Variants in PDE8B observed in about 807,000 individuals in gnomAD.
PDE8B encodes phosphodiesterase 8B.
PDE8B carries 26 observed loss-of-function variants against 101.3 expected under a neutral mutation model. That is an observed-to-expected ratio of 0.26 (90% confidence interval 0.19 to 0.36). The LOEUF (loss-of-function observed/expected upper bound fraction) is 0.36, where lower values mean the gene tolerates loss of function less well. Among genes scored for constraint, PDE8B ranks in the 10% least tolerant of loss-of-function variants. The pLI is 1.00. For synonymous variants in PDE8B, 424 were observed against 429.3 expected, an observed-to-expected ratio of 0.99 and a Z score of 0.15; for missense variants, 810 against 1,163.1, an observed-to-expected ratio of 0.70 and a Z score of 4.42.
At chr5:77,268,291 C>T (rs907165594) in intron 1 of PDE8B, among the ~76,000 whole-genome samples, 2 of 151,950 alleles carry the variant, frequency 1.3e-5, no homozygotes, top group African/African-American at 2.4e-5. Context: ...TTGATACAGG[C>T]GTACAATGCA....
intron 10 of PDE8B, among the ~76,000 whole-genome samples, chr5:77,384,939 T>A (rs1788239662): frequency 6.6e-6 from 1 of 152,206 alleles, no homozygotes; most frequent in African/African-American, 2.4e-5. Context: ...ATTTTCTTTT[T>A]TTGTTGAGTC....
At chr5:77,422,044 A>G (rs1796755960) in intron 20 of PDE8B, 56 bp downstream of exon 20, 2 of 1,540,066 alleles carry the variant, frequency 1.3e-6, no homozygotes, top group East Asian at 4.6e-5. Flanking sequence ...GAACTAGGTC[A>G]TGGAACTCCT....
At chr5:77,124,242 C>G in the PDE8B span, among the ~76,000 whole-genome samples, 1 of 152,016 alleles carries the variant, frequency 6.6e-6, no homozygotes, top group African/African-American at 2.4e-5. Flanking sequence ...AAGACTCAGA[C>G]CCAGAAACAA....
intron 1 of PDE8B, among the ~76,000 whole-genome samples, chr5:77,292,039 G>C (rs1273312621): frequency 2.0e-5 from 3 of 149,734 alleles, no homozygotes; most frequent in Non-Finnish European, 4.4e-5. Flanking sequence ...AACATTGGCA[G>C]CTTTAGTTCT....
At chr5:77,268,530 G>T (rs994714772) in intron 1 of PDE8B, among the ~76,000 whole-genome samples, 2 of 150,134 alleles carry the variant, frequency 1.3e-5, no homozygotes, top group African/African-American at 4.9e-5. Flanking sequence ...CCAAGCTTCT[G>T]ATAACCATCA....
intron 7 of PDE8B, among the ~76,000 whole-genome samples, chr5:77,345,879 C>G (rs1180959604): frequency 1.3e-5 from 2 of 152,190 alleles, no homozygotes; most frequent in Non-Finnish European, 2.9e-5. Context: ...TCACATTTGT[C>G]TGCCCTGAAA....
intron 1 of PDE8B, among the ~76,000 whole-genome samples, chr5:77,282,426 A>T (rs933804812): frequency 6.6e-6 from 1 of 152,096 alleles, no homozygotes; most frequent in African/African-American, 2.4e-5. Flanking sequence ...TTGGACAGTC[A>T]GGGAGTTGGC....
intron 7 of PDE8B, among the ~76,000 whole-genome samples, chr5:77,348,639 G>A (rs1380249156): frequency 6.6e-6 from 1 of 152,198 alleles, no homozygotes; most frequent in Non-Finnish European, 1.5e-5. Context: ...TTGTGGAGAT[G>A]TGCATAATAC....
intron 7 of PDE8B, 57 bp downstream of exon 7, chr5:77,344,988 G>A: frequency 8.7e-7 from 1 of 1,148,760 alleles, no homozygotes; most frequent in South Asian, 1.2e-5. Flanking sequence ...TCAGGTTTAA[G>A]CCACACTTTT....
chr5:77,173,116 G>T, the PDE8B span, among the ~76,000 whole-genome samples: 1 of 152,186 alleles, frequency 6.6e-6, no homozygotes, highest in Non-Finnish European at 1.5e-5. Context: ...TTTTGGCAGA[G>T]AAAGAGAACA....
At chr5:77,088,069 G>A in the PDE8B span, 1 of 152,296 alleles carries the variant, frequency 6.6e-6, no homozygotes, top group African/African-American at 2.4e-5. Flanking sequence ...AATGAAACAG[G>A]AGAGTTCCCT....
intron 1 of PDE8B, among the ~76,000 whole-genome samples, chr5:77,270,822 A>G (rs2149772877): frequency 6.6e-6 from 1 of 152,368 alleles, no homozygotes; most frequent in South Asian, 2.1e-4. Context: ...TTTCTCTGGA[A>G]GCTGCTCCAG....
At chr5:77,401,901 TGAG>T (rs1340185140) in intron 11 of PDE8B, among the ~76,000 whole-genome samples, 3 of 152,214 alleles carry the variant, frequency 2.0e-5, no homozygotes, top group Non-Finnish European at 4.4e-5. Context: ...TGAGATAAAA[TGAG>T]GAAGAATAAA....
intron 3 of PDE8B, 137 bp downstream of exon 3, chr5:77,325,866 C>T (rs755576497): frequency 1.5e-6 from 1 of 687,088 alleles, no homozygotes; most frequent in Non-Finnish European, 2.6e-6. Flanking sequence ...ATACAGATGT[C>T]TGTGGTGAAA....
chr5:77,419,657 C>G, intron 18 of PDE8B, 110 bp from the exon 19 acceptor site: 1 of 1,283,280 alleles, frequency 7.8e-7, no homozygotes, highest in Non-Finnish European at 1.1e-6. Flanking sequence ...TTTCTTAACT[C>G]TGTGCCCCAG....
chr5:77,302,657 A>G lies in PDE8B; in HGVS notation c.340-9337A>G, dbSNP rs376308151. Among the ~76,000 whole-genome samples, 10 of 152,194 alleles carry G rather than the reference A, an allele frequency of 6.6e-5. No individual in the cohort carries two copies. The East Asian group carries it at 9.6e-4, about 15-fold the overall frequency. On this transcript the variant is annotated intron_variant, in intron 1 of 21. Transcript: ENST00000264917. ...CACCTCATTTAAAGTCTCTTTGTAC[A>G]CCATCTTAAGGCCTTTCTGGAACAG...
the PDE8B span, among the ~76,000 whole-genome samples, chr5:77,193,775 A>G: frequency 6.6e-6 from 1 of 152,198 alleles, no homozygotes; most frequent in Non-Finnish European, 1.5e-5. Flanking sequence ...ACATCTCAGC[A>G]ATAAGGAGCT....
chr5:77,148,151 C>T, the PDE8B span: 1 of 152,166 alleles, frequency 6.6e-6, no homozygotes, highest in Non-Finnish European at 1.5e-5. Flanking sequence ...AACAAACTTG[C>T]TACAATTGTC....
At chr5:77,207,876 A>G (rs1374039607), upstream of PDE8B, among the ~76,000 whole-genome samples, 5 of 152,328 alleles carry the variant, frequency 3.3e-5, 1 homozygote, top group Admixed American at 3.3e-4. Flanking sequence ...CAGAATTGGC[A>G]GTTGAAGATG....
Sources: gnomAD v4.1 joint callset for allele counts (sites outside exome capture counted in the v4.1 genomes callset) on GRCh38, gnomAD v4.1.1 for gene constraint, MANE v1.5 for transcripts, NCBI Gene and HGNC (gene_info 2026-07-23, HGNC 2026-07-21) for gene names.